CDYL2: variants seen among roughly 807,000 people sequenced by gnomAD.
CDYL2 encodes chromodomain Y-like protein 2.
CDYL2 carries 23 observed loss-of-function variants against 49.4 expected under a neutral mutation model. The ratio of observed to expected loss-of-function variants is 0.47; its 90% CI spans 0.34 to 0.66. The LOEUF is 0.66. CDYL2 is among the 30% of genes least tolerant of loss of function. The pLI, the probability that CDYL2 is intolerant of heterozygous loss-of-function variation, is 0.01. For synonymous variants in CDYL2, 360 were observed against 268.8 expected (o/e 1.34, Z -3.32); for missense variants, 678 against 656.4 (o/e 1.03, Z -0.36).
Position 80,602,462 on chromosome 16 carries a change from C to G in CDYL2, c.*1926G>C, listed in dbSNP as rs1192063959. 1 of 152,166 alleles carries G rather than the reference C, an allele frequency of 6.6e-6. No individual in the cohort carries two copies. The highest frequency in any genetic ancestry group is 2.4e-5 in the African/African-American group (1 of 41,424). The allele number at this position is 152,166 out of a possible 1,614,324, so 9.4% of individuals were successfully genotyped here. On this transcript the variant is annotated 3_prime_UTR_variant, in exon 7 of 7. Coordinates refer to ENST00000570137, the MANE Select transcript of CDYL2 (RefSeq NM_152342.4). ...CAGCAGTCCAGATTAACTTGAGGGT[C>G]ACTGCTTAAAGGACCATGTCTCTAG...
At chr16:80,716,508 G>C (rs11643615) in intron 1 of CDYL2, among the ~76,000 whole-genome samples, 59,821 of 151,938 alleles carry the variant, frequency 0.39, 14,726 homozygotes, top group Middle Eastern at 0.57. Flanking sequence ...TGGAGGGATG[G>C]ATGGATGATA....
At chr16:80,746,879 T>C (rs1308407220) in intron 1 of CDYL2, among the ~76,000 whole-genome samples, 3 of 152,130 alleles carry the variant, frequency 2.0e-5, no homozygotes, top group East Asian at 3.8e-4. Flanking sequence ...TCACTTAAAG[T>C]CCAGATTCCC....
At chr16:80,637,041 C>T (rs552566792) in intron 2 of CDYL2, among the ~76,000 whole-genome samples, 11 of 152,048 alleles carry the variant, frequency 7.2e-5, no homozygotes, top group African/African-American at 1.7e-4. Context: ...CATCACACAC[C>T]GGGGCTTGTC....
intron 1 of CDYL2, among the ~76,000 whole-genome samples, chr16:80,719,266 C>T (rs1904917391): frequency 6.6e-6 from 1 of 152,068 alleles, no homozygotes; most frequent in South Asian, 2.1e-4. Flanking sequence ...GATTCCCAGG[C>T]CCCGGAAGAG....
intron 1 of CDYL2, among the ~76,000 whole-genome samples, chr16:80,768,842 T>A (rs1194111517): frequency 6.6e-6 from 1 of 152,196 alleles, no homozygotes; most frequent in East Asian, 1.9e-4. Context: ...TTCATATTTG[T>A]AAAAGATGCT....
At chr16:80,804,743 A>C (rs1597141603), upstream of CDYL2, among the ~76,000 whole-genome samples, 1 of 149,178 alleles carries the variant, frequency 6.7e-6, no homozygotes, top group South Asian at 2.1e-4. Flanking sequence ...CTTCGGGAGC[A>C]GCTGGCGGGG....
chr16:80,676,962 T>C (rs532474468), intron 2 of CDYL2, among the ~76,000 whole-genome samples: 20 of 115,998 alleles, frequency 1.7e-4, no homozygotes, highest in African/African-American at 5.9e-4. Context: ...CAATTCAATG[T>C]ATTTTTTTTT....
chr16:80,621,068 G>C (rs1199116633), intron 3 of CDYL2, 133 bp from the exon 4 acceptor site: 2 of 1,004,602 alleles, frequency 2.0e-6, no homozygotes, highest in Non-Finnish European at 2.8e-6. Flanking sequence ...CCTGTGCAGG[G>C]AGCCTCCCCT....
At chr16:80,640,900 C>G (rs2142403969) in intron 2 of CDYL2, among the ~76,000 whole-genome samples, 1 of 151,950 alleles carries the variant, frequency 6.6e-6, no homozygotes, top group South Asian at 2.1e-4. Context: ...AATATATAGT[C>G]AGAGGAAATA....
chr16:80,744,507 C>T lies in CDYL2; in HGVS notation c.25-59378G>A, dbSNP rs75764637. On this transcript the variant is annotated intron_variant, in intron 1 of 6. Transcript: ENST00000570137. ...CAAAAGAAGGAAAAAAAGAAATTAG[C>T]ATGTAGGAGCACCCTATAGAAGGTA... Among the ~76,000 whole-genome samples the T allele has an allele frequency of 2.9e-3, 443 of 152,236 alleles. 2 individuals carry two copies. Among genetic ancestry groups the T allele is most frequent in the African/African-American group, 9.9e-3 (412 of 41,542 alleles).
intron 1 of CDYL2, among the ~76,000 whole-genome samples, chr16:80,775,894 T>C (rs1907066561): frequency 6.6e-6 from 1 of 151,514 alleles, no homozygotes; most frequent in Non-Finnish European, 1.5e-5. Flanking sequence ...ATATCAACTT[T>C]TGTGCTGTCC....
chr16:80,772,160 A>T (rs1003877077), intron 1 of CDYL2, among the ~76,000 whole-genome samples: 3 of 152,196 alleles, frequency 2.0e-5, no homozygotes, highest in African/African-American at 7.2e-5. Flanking sequence ...TTCAAAACTA[A>T]ATGTGAAATA....
chr16:80,771,468 C>T lies in CDYL2; in HGVS notation c.24+32682G>A, dbSNP rs562624433. On this transcript the variant is annotated intron_variant, in intron 1 of 6. Transcript: ENST00000570137. The stretch of plus-strand genomic sequence containing the variant: ...CCTGTAATCCCAGCACTTCGGGAGG[C>T]CGAGGTAGGCGGATCACTTGTGGTC... Among the ~76,000 whole-genome samples the T allele has an allele frequency of 3.0e-3, 457 of 152,326 alleles. 2 individuals carry two copies. The highest frequency in any genetic ancestry group is 0.011 in the African/African-American group (448 of 41,558).
At chr16:80,723,872 G>A (rs1257811789) in intron 1 of CDYL2, among the ~76,000 whole-genome samples, 1 of 151,560 alleles carries the variant, frequency 6.6e-6, no homozygotes, top group Non-Finnish European at 1.5e-5. Flanking sequence ...GAAAGAGGAG[G>A]AAGAGGAAGG....
intron 1 of CDYL2, among the ~76,000 whole-genome samples, chr16:80,710,804 A>T (rs1904570776): frequency 6.6e-6 from 1 of 152,224 alleles, no homozygotes; most frequent in Non-Finnish European, 1.5e-5. Context: ...CTAAGTCACC[A>T]AGAAGTGTTT....
chr16:80,745,405 T>C (rs1386806765), intron 1 of CDYL2, among the ~76,000 whole-genome samples: 2 of 152,134 alleles, frequency 1.3e-5, no homozygotes, highest in East Asian at 1.9e-4. Flanking sequence ...AGCAGTCCAG[T>C]AGACTGGAAT....
At chr16:80,636,422 G>C (rs570793346) in intron 2 of CDYL2, among the ~76,000 whole-genome samples, 6 of 151,654 alleles carry the variant, frequency 4.0e-5, no homozygotes, top group South Asian at 4.2e-4. Context: ...CATTTCTCAA[G>C]AAATGTATGC....
intron 2 of CDYL2, among the ~76,000 whole-genome samples, chr16:80,637,569 T>C (rs1489211958): frequency 6.6e-6 from 1 of 152,084 alleles, no homozygotes; most frequent in Non-Finnish European, 1.5e-5. Flanking sequence ...AATAAGCAAA[T>C]ACTGTAAGGT....
intron 2 of CDYL2, among the ~76,000 whole-genome samples, chr16:80,676,021 C>T (rs1029007448): frequency 2.6e-5 from 4 of 152,124 alleles, no homozygotes; most frequent in African/African-American, 9.7e-5. Flanking sequence ...AAAATCAAAT[C>T]CAGAATTCAG....
Sources: allele counts gnomAD v4.1 joint callset (sites outside exome capture counted in the v4.1 genomes callset), GRCh38; gene constraint gnomAD v4.1.1; transcripts MANE v1.5; gene names NCBI Gene and HGNC (gene_info 2026-07-23, HGNC 2026-07-21).